LRP1B: variants seen among roughly 807,000 people sequenced by gnomAD.
The protein encoded by LRP1B is low-density lipoprotein receptor-related protein 1B.
A neutral mutation model predicts 556.6 loss-of-function variants in LRP1B; 217 were observed. The ratio of observed to expected loss-of-function variants is 0.39; its 90% CI spans 0.35 to 0.44. The LOEUF (loss-of-function observed/expected upper bound fraction) is 0.44. Among genes scored for constraint, LRP1B ranks in the 20% least tolerant of loss-of-function variants. The pLI, the probability that LRP1B is intolerant of heterozygous loss-of-function variation, is 1.00. For synonymous variants in LRP1B, 2,047 were observed against 1,865.8 expected (o/e 1.10, Z -2.50); for missense variants, 5,053 against 5,620.8 (o/e 0.90, Z 3.23).
At chr2:140,245,386 G>T (rs191996289) in intron 87 of LRP1B, among the ~76,000 whole-genome samples, 3 of 151,316 alleles carry the variant, frequency 2.0e-5, no homozygotes, top group African/African-American at 7.3e-5. Context: ...TGGATGGAGC[G>T]TATACAAAAT....
intron 18 of LRP1B, among the ~76,000 whole-genome samples, chr2:140,979,813 C>T (rs1696715108): frequency 6.6e-6 from 1 of 151,980 alleles, no homozygotes; most frequent in Non-Finnish European, 1.5e-5. Flanking sequence ...TAGTCTGGTC[C>T]CACTATTTAT....
chr2:140,675,837 T>C (rs1454186136), intron 41 of LRP1B, among the ~76,000 whole-genome samples: 1 of 152,178 alleles, frequency 6.6e-6, no homozygotes, highest in African/African-American at 2.4e-5. Flanking sequence ...CACATATATA[T>C]GTACATATAT....
intron 41 of LRP1B, among the ~76,000 whole-genome samples, chr2:140,658,335 ATTTGT>A (rs1339276510): frequency 6.6e-6 from 1 of 152,016 alleles, no homozygotes; most frequent in East Asian, 1.9e-4. Context: ...TTTTCTGTTA[ATTTGT>A]TTTAACAATT....
intron 62 of LRP1B, 115 bp downstream of exon 62, chr2:140,456,340 C>T (rs1687105897): frequency 3.8e-6 from 4 of 1,040,650 alleles, no homozygotes; most frequent in South Asian, 3.0e-5. Flanking sequence ...TAGTGTTTTC[C>T]TTTATTCTGT....
Position 141,893,441 on chromosome 2 carries a change from T to A in LRP1B, c.83-83040A>T, listed in dbSNP as rs141729074. 2.7e-3 allele frequency among the ~76,000 whole-genome samples: 417 copies of A among 152,300 alleles called. 1 individual carries two copies. Among genetic ancestry groups the A allele is most frequent in the African/African-American group, 9.3e-3 (386 of 41,564 alleles). Reference sequence around the variant, plus strand: ...GTCTTGAACCCCTGACCTTAGGTGATCCACCCACCTTGGCCTCCCAAACTG... The same window carrying A: ...GTCTTGAACCCCTGACCTTAGGTGAACCACCCACCTTGGCCTCCCAAACTG... On this transcript the variant is annotated intron_variant, in intron 1 of 90. Coordinates refer to ENST00000389484, the MANE Select transcript of LRP1B (RefSeq NM_018557.3).
rs575131916 is a variant in LRP1B, at chr2:140,918,245, A to T, written c.3319+4720T>A. ...AGAGAATGCTTTTTGTAAATTGCCA[A>T]TTATTTGAAATACTTTTAAGACTTC... On this transcript the variant is annotated intron_variant, in intron 21 of 90. Transcript: ENST00000389484. Among the ~76,000 whole-genome samples, 7 of 150,626 alleles carry T rather than the reference A, an allele frequency of 4.6e-5. No individual in the cohort carries two copies. In the East Asian group the frequency reaches 1.4e-3, roughly 30 times the overall value.
intron 2 of LRP1B, among the ~76,000 whole-genome samples, chr2:141,528,280 C>T (rs532771958): frequency 6.6e-6 from 1 of 151,740 alleles, no homozygotes; most frequent in East Asian, 1.9e-4. Context: ...TTGTAGTTGT[C>T]CAGAAAAATT....
chr2:142,099,523 A>G (rs572795620), intron 1 of LRP1B, among the ~76,000 whole-genome samples: 19 of 152,062 alleles, frequency 1.2e-4, no homozygotes, highest in African/African-American at 3.4e-4. Flanking sequence ...CACCTTCTCT[A>G]TATTTCCTTC....
intron 3 of LRP1B, among the ~76,000 whole-genome samples, chr2:141,451,134 T>C (rs1424672762): frequency 6.6e-6 from 1 of 152,188 alleles, no homozygotes; most frequent in Non-Finnish European, 1.5e-5. Context: ...TGAATATTGG[T>C]AATACCTGAT....
chr2:140,897,521 G>A (rs896467945), intron 23 of LRP1B, among the ~76,000 whole-genome samples: 1 of 152,222 alleles, frequency 6.6e-6, no homozygotes, highest in Non-Finnish European at 1.5e-5. Context: ...GTTCCGGGGT[G>A]TGTCTGTGAG....
chr2:141,054,738 T>C (rs1699130454), intron 10 of LRP1B, among the ~76,000 whole-genome samples: 1 of 151,984 alleles, frequency 6.6e-6, no homozygotes. Flanking sequence ...TGGATTTCTG[T>C]CGAAACAAGC....
intron 18 of LRP1B, among the ~76,000 whole-genome samples, chr2:140,958,578 A>G (rs1479979995): frequency 6.6e-6 from 1 of 151,690 alleles, no homozygotes; most frequent in Non-Finnish European, 1.5e-5. Flanking sequence ...TAGTTGTTAA[A>G]ACAGGAAGGA....
Position 140,994,021 on chromosome 2 carries a change from C to T in LRP1B, c.2618G>A (p.Gly873Glu). 2 of 1,612,550 alleles carry T rather than the reference C, an allele frequency of 1.2e-6. No homozygotes were observed. ...GCAGTTTACTGAATCCTCATCGCTT[C>T]CGTCTAGGCAGTCATCGTCGCCATC... Reference protein sequence around the residue: ...KCDGDDDCLDGSDEDSVNCFN... With the variant: ...KCDGDDDCLDESDEDSVNCFN... The change falls in exon 16 of 91, where the codon GGA (glycine) becomes GAA (glutamate). Residue 873 changes from glycine to glutamate, a missense_variant. This residue lies in a region of LRP1B where 3,619 missense variants were observed against 3,931.9 expected (regional missense o/e 0.92). Coordinates refer to ENST00000389484, the MANE Select transcript of LRP1B (RefSeq NM_018557.3).
Position 140,231,994 on chromosome 2 carries a change from G to A in LRP1B, c.*1192C>T, listed in dbSNP as rs1236336857. 1 of 151,540 alleles carries A rather than the reference G, an allele frequency of 6.6e-6. No homozygotes were observed. The highest frequency in any genetic ancestry group is 2.4e-5 in the African/African-American group (1 of 41,318). The allele number at this position is 151,540 out of a possible 1,614,324, so 9.4% of individuals were successfully genotyped here. A position where few individuals can be genotyped will look rare whatever the true frequency, so the allele number is the denominator to read the frequency against. ...CAAACCAAACGTGAATGGGGTCCATGCGTTCTGTAAAACCCAGAGAAACCT... is the reference window on the plus strand; with the variant it reads ...CAAACCAAACGTGAATGGGGTCCATACGTTCTGTAAAACCCAGAGAAACCT... On this transcript the variant is annotated 3_prime_UTR_variant, in exon 91 of 91. Transcript: ENST00000389484.
intron 1 of LRP1B, among the ~76,000 whole-genome samples, chr2:141,922,923 G>C (rs1163256162): frequency 6.8e-6 from 1 of 146,388 alleles, no homozygotes; most frequent in Non-Finnish European, 1.5e-5. Flanking sequence ...AACATAGTGA[G>C]ACCTTGTTTC....
chr2:141,246,228 T>G (rs1388092048), intron 5 of LRP1B, among the ~76,000 whole-genome samples: 1 of 152,214 alleles, frequency 6.6e-6, no homozygotes, highest in African/African-American at 2.4e-5. Flanking sequence ...ATTGACATTT[T>G]AGCTGAGACT....
At chr2:140,351,994 C>A (rs1483477986) in intron 76 of LRP1B, among the ~76,000 whole-genome samples, 1 of 152,034 alleles carries the variant, frequency 6.6e-6, no homozygotes, top group South Asian at 2.1e-4. Flanking sequence ...TGCTATAGCC[C>A]ACAGTTGATC....
At chr2:140,672,184 G>T (rs997493303) in intron 41 of LRP1B, among the ~76,000 whole-genome samples, 1 of 152,050 alleles carries the variant, frequency 6.6e-6, no homozygotes, top group Non-Finnish European at 1.5e-5. Flanking sequence ...TGGAGAAAAT[G>T]GAAGGATAAA....
At chr2:141,197,712 A>G (rs1051527370) in intron 6 of LRP1B, among the ~76,000 whole-genome samples, 10 of 152,114 alleles carry the variant, frequency 6.6e-5, no homozygotes, top group Non-Finnish European at 1.3e-4. Context: ...AGTTTCCAGG[A>G]GGGAAATATG....
Sources: gnomAD v4.1 joint callset for allele counts (sites outside exome capture counted in the v4.1 genomes callset) on GRCh38, gnomAD v4.1.1 for gene constraint, gnomAD v4.1.1 regional missense constraint, MANE v1.5 for transcripts, NCBI Gene and HGNC (gene_info 2026-07-23, HGNC 2026-07-21) for gene names.